The following SAMD5 variants were observed in gnomAD, a reference collection of about 807,000 sequenced individuals.
SAMD5 encodes the protein sterile alpha motif domain containing 5.
Under a neutral mutation model 11.3 loss-of-function variants are expected in SAMD5, and 13 were observed. The observed-to-expected ratio is 1.15, with a 90% CI of 0.75 to 1.83. The LOEUF (loss-of-function observed/expected upper bound fraction) is 1.83. SAMD5 is among the 40% of genes most tolerant of loss of function. The probability of loss-of-function intolerance (pLI) is 0.00; values close to 1 mark genes in which losing one functional copy is unlikely to be tolerated. For synonymous variants in SAMD5, 129 were observed against 111.3 expected, an observed-to-expected ratio of 1.16 and a Z score of -1.00; for missense variants, 255 against 239.1, an observed-to-expected ratio of 1.07 and a Z score of -0.44.
chr6:147,599,085 G>C (rs1487386487), intron 1 of SAMD5, among the ~76,000 whole-genome samples: 2 of 152,202 alleles, frequency 1.3e-5, no homozygotes, highest in Non-Finnish European at 2.9e-5. Flanking sequence ...AGATGAGGGA[G>C]AGTTCCAAGA....
the SAMD5 span, among the ~76,000 whole-genome samples, chr6:147,768,182 A>G: frequency 6.6e-6 from 1 of 152,136 alleles, no homozygotes; most frequent in Non-Finnish European, 1.5e-5. Context: ...AACACTGACA[A>G]ATGTTCAAAG....
intron 1 of SAMD5, chr6:147,729,756 A>G (rs752683261): frequency 8.8e-6 from 4 of 456,918 alleles, no homozygotes; most frequent in South Asian, 4.6e-5. Flanking sequence ...GCAGTGGCAA[A>G]GGTTCTGAGA....
the SAMD5 span, among the ~76,000 whole-genome samples, chr6:147,800,539 C>G: frequency 1.3e-5 from 2 of 152,224 alleles, no homozygotes; most frequent in African/African-American, 2.4e-5. Flanking sequence ...TGTGCCCTGC[C>G]CGCAGAGGTG....
intron 1 of SAMD5, among the ~76,000 whole-genome samples, chr6:147,725,492 A>C (rs1022604810): frequency 2.0e-5 from 3 of 151,002 alleles, no homozygotes; most frequent in Non-Finnish European, 4.4e-5. Flanking sequence ...GGGTTCAAGC[A>C]ATTCTTCTGC....
chr6:147,877,913 AGCTAGC>A, the SAMD5 span, among the ~76,000 whole-genome samples: 23,301 of 96,596 alleles, frequency 0.24, 2,506 homozygotes, highest in East Asian at 0.29. Flanking sequence ...ATAGATAGCT[AGCTAGC>A]TAGCTAGATA....
intron 1 of SAMD5, among the ~76,000 whole-genome samples, chr6:147,658,006 T>G (rs921938003): frequency 2.0e-5 from 3 of 152,236 alleles, no homozygotes; most frequent in Non-Finnish European, 4.4e-5. Flanking sequence ...AGTTTGAAAC[T>G]ATTTCCAAAT....
At chr6:147,786,388 T>C in the SAMD5 span, among the ~76,000 whole-genome samples, 1 of 152,228 alleles carries the variant, frequency 6.6e-6, no homozygotes, top group Admixed American at 6.5e-5. Flanking sequence ...ATGAACATAG[T>C]GATCTGCAGT....
chr6:147,881,776 A>G, the SAMD5 span, among the ~76,000 whole-genome samples: 2 of 152,190 alleles, frequency 1.3e-5, no homozygotes, highest in Non-Finnish European at 2.9e-5. Flanking sequence ...CCTCACTTCA[A>G]GAAGTTACAC....
intron 1 of SAMD5, among the ~76,000 whole-genome samples, chr6:147,652,853 G>A (rs372503827): frequency 2.8e-4 from 43 of 152,084 alleles, no homozygotes; most frequent in African/African-American, 1.0e-3. Context: ...TATTTACTTG[G>A]TGCCAGCAAC....
chr6:147,810,857 C>T, the SAMD5 span, among the ~76,000 whole-genome samples: 244 of 152,198 alleles, frequency 1.6e-3, no homozygotes, highest in Admixed American at 3.2e-3. Flanking sequence ...CACTCCCTGC[C>T]CTGGGTGTTG....
At chr6:147,774,689 C>A in the SAMD5 span, among the ~76,000 whole-genome samples, 1 of 151,506 alleles carries the variant, frequency 6.6e-6, no homozygotes, top group Admixed American at 6.6e-5. Flanking sequence ...ATTTTTTTTA[C>A]TTGTATTATT....
chr6:147,510,946 G>A (rs1788078857), intron 1 of SAMD5, among the ~76,000 whole-genome samples: 1 of 152,212 alleles, frequency 6.6e-6, no homozygotes, highest in African/African-American at 2.4e-5. Context: ...CTGGTCATCA[G>A]TATAAAGGCT....
the SAMD5 span, among the ~76,000 whole-genome samples, chr6:147,750,281 G>A: frequency 2.6e-5 from 4 of 152,162 alleles, no homozygotes; most frequent in African/African-American, 4.8e-5. Context: ...CATTGAAAAT[G>A]TGCATCTTTT....
the SAMD5 span, among the ~76,000 whole-genome samples, chr6:147,911,597 G>C: frequency 1.0e-3 from 153 of 152,286 alleles, 1 homozygote; most frequent in South Asian, 2.9e-3. Context: ...GTCTTTCTTA[G>C]AAATGCCTTT....
the SAMD5 span, among the ~76,000 whole-genome samples, chr6:147,922,786 T>TA: frequency 6.6e-6 from 1 of 152,178 alleles, no homozygotes; most frequent in Non-Finnish European, 1.5e-5. Flanking sequence ...ACAAATCTAC[T>TA]AAAAAATCAA....
the SAMD5 span, among the ~76,000 whole-genome samples, chr6:147,756,451 G>C: frequency 6.6e-6 from 1 of 151,994 alleles, no homozygotes; most frequent in Non-Finnish European, 1.5e-5. Context: ...TTTTAAAAAC[G>C]TTTAAAAAGT....
chr6:147,943,136 T>A, the SAMD5 span, among the ~76,000 whole-genome samples: 2 of 152,198 alleles, frequency 1.3e-5, no homozygotes, highest in South Asian at 4.1e-4. Flanking sequence ...TATTGCTTCA[T>A]CTTGCCTGAG....
At chr6:147,672,053 T>C (rs1306587229) in intron 1 of SAMD5, among the ~76,000 whole-genome samples, 2 of 152,024 alleles carry the variant, frequency 1.3e-5, no homozygotes, top group South Asian at 2.1e-4. Context: ...GTTTACAATA[T>C]TGAGTTTTCC....
the SAMD5 span, among the ~76,000 whole-genome samples, chr6:147,915,192 A>G: frequency 6.6e-6 from 1 of 152,194 alleles, no homozygotes; most frequent in African/African-American, 2.4e-5. Context: ...GTTAGGTAAG[A>G]AAACATCTCT....
Sources: allele counts gnomAD v4.1 joint callset (sites outside exome capture counted in the v4.1 genomes callset), GRCh38; gene constraint gnomAD v4.1.1; transcripts MANE v1.5; gene names NCBI Gene and HGNC (gene_info 2026-07-23, HGNC 2026-07-21).